Variants in CACNA1C observed in about 807,000 individuals in gnomAD.
The protein encoded by CACNA1C is calcium voltage-gated channel subunit alpha1 C.
A neutral mutation model predicts 229.0 loss-of-function variants in CACNA1C; 30 were observed. The observed-to-expected ratio is 0.13, with a 90% CI of 0.10 to 0.18. The LOEUF (loss-of-function observed/expected upper bound fraction) is 0.18. Ranked by LOEUF, CACNA1C falls within the 10% of genes least tolerant of loss-of-function variation. The pLI, the probability that CACNA1C is intolerant of heterozygous loss-of-function variation, is 1.00. For synonymous variants in CACNA1C, 1,114 were observed against 1,132.5 expected (o/e 0.98, Z 0.33); for missense variants, 1,658 against 2,845.0 (o/e 0.58, Z 9.49).
At chr12:2,145,083 A>T (rs1259671152) in intron 3 of CACNA1C, among the ~76,000 whole-genome samples, 1 of 151,380 alleles carries the variant, frequency 6.6e-6, no homozygotes, top group Non-Finnish European at 1.5e-5. Context: ...TATGTGTTTA[A>T]GGCTGTTTTA....
intron 5 of CACNA1C, among the ~76,000 whole-genome samples, chr12:2,458,141 A>G (rs961520711): frequency 1.3e-5 from 2 of 152,198 alleles, no homozygotes; most frequent in Admixed American, 6.5e-5. Context: ...TGGATGTTCT[A>G]AAAGTTCTGT....
chr12:2,419,797 C>A (rs575912614), intron 3 of CACNA1C, among the ~76,000 whole-genome samples: 4 of 152,132 alleles, frequency 2.6e-5, no homozygotes, highest in Non-Finnish European at 5.9e-5. Flanking sequence ...GGCCTCTCCC[C>A]CTAAGAGATT....
At chr12:2,434,271 A>G (rs1374352594) in intron 3 of CACNA1C, among the ~76,000 whole-genome samples, 1 of 152,162 alleles carries the variant, frequency 6.6e-6, no homozygotes, top group Non-Finnish European at 1.5e-5. Context: ...ACATCTCTTC[A>G]TCATGTCATA....
At chr12:2,518,583 G>T (rs1351667557) in intron 9 of CACNA1C, among the ~76,000 whole-genome samples, 3 of 151,502 alleles carry the variant, frequency 2.0e-5, no homozygotes, top group African/African-American at 7.3e-5. Context: ...ACTCCAGCCT[G>T]GGCGACAGAG....
At chr12:2,079,254 A>G (rs917426119) in intron 1 of CACNA1C, among the ~76,000 whole-genome samples, 3 of 152,166 alleles carry the variant, frequency 2.0e-5, no homozygotes, top group Non-Finnish European at 4.4e-5. Context: ...CGTTGTGCAC[A>G]TGTACCCTAA....
intron 3 of CACNA1C, among the ~76,000 whole-genome samples, chr12:2,201,603 T>A (rs573172453): frequency 3.3e-5 from 5 of 152,364 alleles, no homozygotes; most frequent in African/African-American, 9.6e-5. Flanking sequence ...AGCATGTATT[T>A]ATCCTCGCTA....
intron 3 of CACNA1C, among the ~76,000 whole-genome samples, chr12:2,290,678 G>A (rs1463743438): frequency 6.6e-6 from 1 of 152,094 alleles, no homozygotes; most frequent in Non-Finnish European, 1.5e-5. Context: ...CATACACTCG[G>A]GGCTGCTCTA....
At chr12:2,153,421 T>G (rs1400953440) in intron 3 of CACNA1C, among the ~76,000 whole-genome samples, 6 of 152,224 alleles carry the variant, frequency 3.9e-5, no homozygotes, top group African/African-American at 1.2e-4. Context: ...TCTCCAGGAC[T>G]GTTTTCTTCC....
At chr12:2,310,352 A>AAAAAT (rs201363709) in intron 3 of CACNA1C, among the ~76,000 whole-genome samples, 145 of 139,834 alleles carry the variant, frequency 1.0e-3, no homozygotes, top group African/African-American at 3.7e-3. Context: ...TAAAAAAAAA[A>AAAAAT]ATATATATAT....
chr12:2,228,797 C>A (rs2063808898), intron 3 of CACNA1C, among the ~76,000 whole-genome samples: 1 of 152,194 alleles, frequency 6.6e-6, no homozygotes, highest in South Asian at 2.1e-4. Context: ...TTTCTGTCTT[C>A]TGCCTTGAAT....
At chr12:2,135,622 G>T (rs1341276144) in intron 3 of CACNA1C, among the ~76,000 whole-genome samples, 1 of 140,120 alleles carries the variant, frequency 7.1e-6, no homozygotes, top group Non-Finnish European at 1.5e-5. Context: ...GCTGCTCAGG[G>T]GTCAGGGGTC....
chr12:2,431,064 T>C (rs1453674469), intron 3 of CACNA1C, among the ~76,000 whole-genome samples: 1 of 152,138 alleles, frequency 6.6e-6, no homozygotes, highest in African/African-American at 2.4e-5. Context: ...GGGTGATATG[T>C]TTGAGAAGCA....
rs1436071750 is a variant in CACNA1C, at chr12:2,660,817, C to T, written c.4233-4008C>T. ...CTAGCCTGGGCGACAGAGCAAGACTCTGTCTCCAAATAAATAAATATAAGG... is the reference window on the plus strand; with the variant it reads ...CTAGCCTGGGCGACAGAGCAAGACTTTGTCTCCAAATAAATAAATATAAGG... On this transcript the variant is annotated intron_variant, in intron 34 of 46. Transcript: ENST00000399655. 3 of 152,060 alleles carry T rather than the reference C, an allele frequency of 2.0e-5. No homozygotes were observed. In the East Asian group the frequency reaches 5.8e-4, roughly 29 times the overall value. 9.4% of individuals were successfully genotyped at this position (152,060 alleles called of 1,614,324 possible).
intron 1 of CACNA1C, among the ~76,000 whole-genome samples, chr12:2,028,741 C>A (rs781106438): frequency 3.9e-5 from 6 of 152,074 alleles, no homozygotes; most frequent in African/African-American, 1.4e-4. Flanking sequence ...ATGCAGGGAA[C>A]CTTGTATAAG....
At chr12:2,583,122 G>C (rs564401824) in intron 15 of CACNA1C, among the ~76,000 whole-genome samples, 180 bp downstream of exon 15, 1 of 152,308 alleles carries the variant, frequency 6.6e-6, no homozygotes, top group South Asian at 2.1e-4. Context: ...CATGGGTGAG[G>C]TTCACCTTCC....
At chr12:2,139,167 C>T (rs546747428) in intron 3 of CACNA1C, among the ~76,000 whole-genome samples, 6 of 151,082 alleles carry the variant, frequency 4.0e-5, no homozygotes, top group East Asian at 1.9e-4. Flanking sequence ...GAGTGTGTTC[C>T]GTGCTCCTGC....
At position 2,653,688 on chromosome 12, in the gene CACNA1C, A is replaced by G; in HGVS notation, c.4075-147A>G. The G allele has an allele frequency of 1.5e-6, 1 of 669,776 alleles. No individual in the cohort carries two copies. Among genetic ancestry groups the G allele is most frequent in the South Asian group, 1.7e-5 (1 of 58,504 alleles). 41.5% of individuals were successfully genotyped at this position (669,776 alleles called of 1,614,324 possible). On this transcript the variant is annotated intron_variant, in intron 32 of 46. Coordinates refer to ENST00000399655, the MANE Select transcript of CACNA1C (RefSeq NM_000719.7). This position sits in a 1 kb window ranked among gnomAD's most constrained non-coding sequence, Gnocchi z 4.7. ...TCAGACCTTCTCGCAGGTTCCCCGT[A>G]GTCCTGTGGGACTCTTGGAAGTGTC...
chr12:2,553,713 G>C (rs997386654), intron 10 of CACNA1C, among the ~76,000 whole-genome samples: 1 of 152,162 alleles, frequency 6.6e-6, no homozygotes, highest in South Asian at 2.1e-4. Flanking sequence ...GTGGTATCGC[G>C]GGCAACATTG....
chr12:2,177,626 T>A (rs11062141), intron 3 of CACNA1C, among the ~76,000 whole-genome samples: 1 of 92,748 alleles, frequency 1.1e-5, no homozygotes, highest in African/African-American at 3.6e-5. Flanking sequence ...CCTTCCTTCC[T>A]TCTCTCTCTC....
Sources: gnomAD v4.1 joint callset for allele counts (sites outside exome capture counted in the v4.1 genomes callset) on GRCh38, gnomAD v4.1.1 for gene constraint, Gnocchi (gnomAD v3.1) non-coding constraint, MANE v1.5 for transcripts, NCBI Gene and HGNC (gene_info 2026-07-23, HGNC 2026-07-21) for gene names.